PCDHGA8: variants seen among roughly 807,000 people sequenced by gnomAD.
PCDHGA8 encodes the protein protocadherin gamma subfamily A, 8, also known as protocadherin gamma-A8.
In PCDHGA8, 45 loss-of-function variants were observed where a neutral mutation model predicts 59.2. The observed-to-expected ratio is 0.76, with a 90% CI of 0.60 to 0.98. The LOEUF is 0.98. PCDHGA8 is among the 50% of genes least tolerant of loss of function. The pLI is 0.00. For missense variants in PCDHGA8, 1,257 were observed against 1,196.2 expected (o/e 1.05, Z -0.75); for synonymous variants, 531 against 519.0 (o/e 1.02, Z -0.32).
intron 1 of PCDHGA8, among the ~76,000 whole-genome samples, chr5:141,488,675 T>C (rs888235928): frequency 2.6e-5 from 4 of 152,116 alleles, no homozygotes; most frequent in Admixed American, 1.3e-4. Flanking sequence ...TACATGGGCT[T>C]TGCCTCTCCC....
intron 1 of PCDHGA8, chr5:141,413,419 A>C: frequency 6.2e-7 from 1 of 1,614,084 alleles, no homozygotes; most frequent in Non-Finnish European, 8.5e-7. Context: ...TTTCTCTCTG[A>C]ACCCGCGCAG....
Position 141,432,089 on chromosome 5 carries a change from G to A in PCDHGA8, c.2424+36852G>A, listed in dbSNP as rs1325165974. On this transcript the variant is annotated intron_variant, in intron 1 of 3. Transcript: ENST00000398604. The surrounding 1 kb of genome is among the most constrained non-coding windows in gnomAD (Gnocchi z 6.0). Reference sequence around the variant, plus strand: ...AACTCATATCTCGCTGAACGTGGCAGACACCAACGACAACCCGCCGGTCTT... The same window carrying A: ...AACTCATATCTCGCTGAACGTGGCAAACACCAACGACAACCCGCCGGTCTT... The A allele has an allele frequency of 6.2e-7, 1 of 1,614,046 alleles. No homozygotes were observed. Among genetic ancestry groups the A allele is most frequent in the Non-Finnish European group, 8.5e-7 (1 of 1,180,052 alleles).
chr5:141,476,018 A>G lies in PCDHGA8; in HGVS notation c.2425-18789A>G. 7.3e-7 allele frequency: 1 copy of G among 1,371,412 alleles called. No homozygotes were observed. Among genetic ancestry groups the G allele is most frequent in the African/African-American group, 1.4e-5 (1 of 69,226 alleles). The allele number at this position is 1,371,412 out of a possible 1,614,324, so 85.0% of individuals were successfully genotyped here. A position where few individuals can be genotyped will look rare whatever the true frequency, so the allele number is the denominator to read the frequency against. The stretch of plus-strand genomic sequence containing the variant: ...AACGGCATCCAGAAAGCCATGTCGG[A>G]CTCGGCGCCCAGCGCCCAAGCGCTA... On this transcript the variant is annotated intron_variant, in intron 1 of 3. Coordinates refer to ENST00000398604, the MANE Select transcript of PCDHGA8 (RefSeq NM_032088.2). This position sits in a 1 kb window ranked among gnomAD's most constrained non-coding sequence, Gnocchi z 7.6.
intron 2 of PCDHGA8, among the ~76,000 whole-genome samples, chr5:141,503,780 T>G (rs779791247): frequency 7.2e-5 from 11 of 152,124 alleles, no homozygotes; most frequent in Non-Finnish European, 1.3e-4. Flanking sequence ...GTTCTTAGGC[T>G]GAGTTCATCT....
intron 1 of PCDHGA8, chr5:141,417,729 G>T (rs1175282861): frequency 1.6e-5 from 22 of 1,376,276 alleles, no homozygotes; most frequent in African/African-American, 8.8e-5. Context: ...CGCAGACCTT[G>T]CCCAGCACAC....
chr5:141,423,210 C>A (rs954945082), intron 1 of PCDHGA8: 2 of 1,613,578 alleles, frequency 1.2e-6, no homozygotes, highest in East Asian at 4.5e-5. Flanking sequence ...CCGTCACGCT[C>A]ACCGTGGCTG....
In PCDHGA8 at chr5:141,493,521, G is replaced by A. The variant is rs967636266; in HGVS notation, c.2425-1286G>A. Among the ~76,000 whole-genome samples the A allele has an allele frequency of 3.9e-5, 6 of 152,242 alleles. No homozygotes were observed. In the East Asian group the frequency reaches 7.7e-4, roughly 20 times the overall value. The stretch of plus-strand genomic sequence containing the variant: ...CTCATTTCTGAGCAGTCCCCGCAGC[G>A]CAAACTTGGCCAGTTATCCTTTTGG... On this transcript the variant is annotated intron_variant, in intron 1 of 3. Coordinates refer to ENST00000398604, the MANE Select transcript of PCDHGA8 (RefSeq NM_032088.2). This position sits in a 1 kb window ranked among gnomAD's most constrained non-coding sequence, Gnocchi z 4.3.
chr5:141,424,023 A>G (rs1391381195), intron 1 of PCDHGA8: 1 of 1,047,166 alleles, frequency 9.5e-7, no homozygotes, highest in Non-Finnish European at 1.2e-6. Context: ...TGATTCACAA[A>G]CACTTTTTAT....
chr5:141,413,793 C>G, intron 1 of PCDHGA8: 1 of 1,613,106 alleles, frequency 6.2e-7, no homozygotes, highest in South Asian at 1.1e-5. Context: ...CCCTAGATCG[C>G]GAGGAAGAGG....
In PCDHGA8 at chr5:141,430,200, T is replaced by G. The variant is rs182960813; in HGVS notation, c.2424+34963T>G. Among the ~76,000 whole-genome samples the G allele has an allele frequency of 8.2e-4, 124 of 152,052 alleles. 2 individuals are homozygous for G. Among genetic ancestry groups the G allele is most frequent in the African/African-American group, 2.9e-3 (119 of 41,468 alleles). ...CCCAAATTATAGCTGAATCAGAAAG[T>G]TTAAATTATTATATTATATGATTTG... On this transcript the variant is annotated intron_variant, in intron 1 of 3. Transcript: ENST00000398604.
At chr5:141,495,452 C>T (rs543717781) in intron 2 of PCDHGA8, among the ~76,000 whole-genome samples, 1 of 152,356 alleles carries the variant, frequency 6.6e-6, no homozygotes, top group Non-Finnish European at 1.5e-5. Context: ...TTGTCCTGCT[C>T]TCTGTCTGTG....
chr5:141,460,296 C>T (rs1443273958), intron 1 of PCDHGA8, among the ~76,000 whole-genome samples: 1 of 151,924 alleles, frequency 6.6e-6, no homozygotes, highest in Non-Finnish European at 1.5e-5. Context: ...TTCTTATGTC[C>T]TATTCAAAAA....
Position 141,489,575 on chromosome 5 carries a change from AC to A in PCDHGA8, c.2425-5227del. On this transcript the variant is annotated intron_variant, in intron 1 of 3. Coordinates refer to ENST00000398604, the MANE Select transcript of PCDHGA8 (RefSeq NM_032088.2). This position sits in a 1 kb window ranked among gnomAD's most constrained non-coding sequence, Gnocchi z 4.5. ...CTGCCAGTGCAGGTGGTGACTGAAC[AC>A]CCCCTGGAGCTAATCCGTGTAGAGG... 1 of 1,613,788 alleles carries A rather than the reference AC, an allele frequency of 6.2e-7. No individual in the cohort carries two copies. Among genetic ancestry groups the A allele is most frequent in the Middle Eastern group, 1.6e-4 (1 of 6,062 alleles).
At chr5:141,410,846 TGTC>T (rs1025068052) in intron 1 of PCDHGA8, 5 of 423,660 alleles carry the variant, frequency 1.2e-5, no homozygotes, top group South Asian at 4.0e-5. Flanking sequence ...ATTTTGTCTT[TGTC>T]TTTTTTTTTT....
chr5:141,483,245 A>G (rs2099578786), intron 1 of PCDHGA8, among the ~76,000 whole-genome samples: 1 of 151,456 alleles, frequency 6.6e-6, no homozygotes, highest in Non-Finnish European at 1.5e-5. Flanking sequence ...TGATATGCAT[A>G]TATCATGAGG....
intron 1 of PCDHGA8, chr5:141,395,603 G>C: frequency 5.0e-6 from 1 of 198,204 alleles, no homozygotes; most frequent in Non-Finnish European, 1.0e-5. Context: ...TCCCAAACTA[G>C]AACTTCAGAA....
Position 141,432,149 on chromosome 5 carries a change from A to G in PCDHGA8, c.2424+36912A>G. The G allele has an allele frequency of 6.2e-7, 1 of 1,613,964 alleles. No individual in the cohort carries two copies. The highest frequency in any genetic ancestry group is 8.5e-7 in the Non-Finnish European group (1 of 1,179,986). On this transcript the variant is annotated intron_variant, in intron 1 of 3. Transcript: ENST00000398604. This position sits in a 1 kb window ranked among gnomAD's most constrained non-coding sequence, Gnocchi z 6.0. Reference sequence around the variant, plus strand: ...CTCCTATTCCGCTTATATCCCAGAGAACAATCCCAGAGGAGTTTCCCTCGT... The same window carrying G: ...CTCCTATTCCGCTTATATCCCAGAGGACAATCCCAGAGGAGTTTCCCTCGT...
rs559433377 is a variant in PCDHGA8, at chr5:141,432,679, G to A, written c.2424+37442G>A. ...TGCTGGACAGAGACGCGCTCAAGCAGAGCCTCGTAGTGGCCGTCCAGGACC... is the reference window on the plus strand; with the variant it reads ...TGCTGGACAGAGACGCGCTCAAGCAAAGCCTCGTAGTGGCCGTCCAGGACC... On this transcript the variant is annotated intron_variant, in intron 1 of 3. Transcript: ENST00000398604. The surrounding 1 kb of genome is among the most constrained non-coding windows in gnomAD (Gnocchi z 6.0). The A allele has an allele frequency of 2.3e-4, 369 of 1,613,834 alleles. 1 individual carries two copies. The highest frequency in any genetic ancestry group is 1.7e-4 in the Middle Eastern group (1 of 6,056).
At chr5:141,495,089 C>G (rs1440289878) in intron 2 of PCDHGA8, among the ~76,000 whole-genome samples, 2 of 152,284 alleles carry the variant, frequency 1.3e-5, no homozygotes, top group East Asian at 3.9e-4. Flanking sequence ...TGCCCCTTCC[C>G]TCCTCGCCAC....
Sources: allele counts gnomAD v4.1 joint callset (sites outside exome capture counted in the v4.1 genomes callset), GRCh38; gene constraint gnomAD v4.1.1; non-coding constraint Gnocchi (gnomAD v3.1); transcripts MANE v1.5; gene names NCBI Gene and HGNC (gene_info 2026-07-23, HGNC 2026-07-21).